The following LAMA1 variants were observed in gnomAD, a reference collection of about 807,000 sequenced individuals.
LAMA1 encodes the protein laminin subunit alpha-1.
In LAMA1, 219 loss-of-function variants were observed where a neutral mutation model predicts 348.7. That is an observed-to-expected ratio of 0.63 (90% CI 0.56 to 0.70). The LOEUF (loss-of-function observed/expected upper bound fraction) is 0.70, where lower values mean the gene tolerates loss of function less well. Ranked by LOEUF, LAMA1 falls within the 30% of genes least tolerant of loss-of-function variation. LAMA1 has a pLI of 0.00. For synonymous variants in LAMA1, 1,487 were observed against 1,491.0 expected (o/e 1.00, Z 0.06); for missense variants, 3,744 against 3,888.0 (o/e 0.96, Z 0.99).
intron 58 of LAMA1, among the ~76,000 whole-genome samples, chr18:6,950,050 CT>C (rs200976005): frequency 0.012 from 1,865 of 152,282 alleles, 42 homozygotes; most frequent in African/African-American, 0.041. Flanking sequence ...AAACCTAGGA[CT>C]GGCATTTGAG....
chr18:6,998,890 A>G (rs2057794525), intron 32 of LAMA1, among the ~76,000 whole-genome samples: 2 of 152,142 alleles, frequency 1.3e-5, no homozygotes, highest in African/African-American at 4.8e-5. Context: ...AAAATTAGCC[A>G]GGCAAGGTGG....
At chr18:7,060,605 A>G (rs1404587617) in intron 3 of LAMA1, among the ~76,000 whole-genome samples, 1 of 152,186 alleles carries the variant, frequency 6.6e-6, no homozygotes, top group Non-Finnish European at 1.5e-5. Flanking sequence ...TAAAGTGGAC[A>G]TTGAAGAAAA....
At chr18:7,073,361 C>T (rs1055445377) in intron 3 of LAMA1, among the ~76,000 whole-genome samples, 3 of 152,168 alleles carry the variant, frequency 2.0e-5, no homozygotes, top group Admixed American at 6.5e-5. Flanking sequence ...TACCATCTAT[C>T]TCCAGAACTT....
chr18:6,968,663 A>T (rs1463161115), intron 48 of LAMA1, among the ~76,000 whole-genome samples: 1 of 152,194 alleles, frequency 6.6e-6, no homozygotes, highest in Non-Finnish European at 1.5e-5. Context: ...ATTGATTTTG[A>T]TGAGGACTGT....
intron 3 of LAMA1, among the ~76,000 whole-genome samples, chr18:7,076,207 G>A (rs2058167705): frequency 6.6e-6 from 1 of 152,188 alleles, no homozygotes; most frequent in South Asian, 2.1e-4. Flanking sequence ...TAGCCATGCT[G>A]TAGATCTGAA....
chr18:7,109,742 A>G (rs989738238), intron 1 of LAMA1, among the ~76,000 whole-genome samples: 1 of 152,160 alleles, frequency 6.6e-6, no homozygotes, highest in Non-Finnish European at 1.5e-5. Flanking sequence ...GGGGTGACTG[A>G]ACTTGGAGGG....
intron 3 of LAMA1, among the ~76,000 whole-genome samples, chr18:7,066,046 A>G (rs1261199905): frequency 9.2e-5 from 14 of 152,118 alleles, no homozygotes; most frequent in Non-Finnish European, 1.5e-5. Context: ...TCTCACCAAA[A>G]CCAATGCTTT....
chr18:7,096,770 A>T (rs1378994533), intron 1 of LAMA1, among the ~76,000 whole-genome samples: 1 of 152,230 alleles, frequency 6.6e-6, no homozygotes, highest in African/African-American at 2.4e-5. Context: ...ACCCAAAAAA[A>T]TTATGTAAGT....
Position 6,971,876 on chromosome 18 carries a change from A to C in LAMA1, c.6880T>G (p.Cys2294Gly). Residue 2294 changes from cysteine to glycine, a missense_variant, in exon 48 of 63, where the codon TGC becomes GGC. Cys to Gly is a radical substitution (Grantham distance 159, BLOSUM62 -3). Around this residue, in one of 3 missense-constraint regions of LAMA1, gnomAD observed 1,983 missense variants for 1,934.3 expected, o/e 1.03. Transcript: ENST00000389658. ...LWNYIEREGK[C>G]RGCFGSSQNE... Reference sequence around the variant, plus strand: ...TCTTACCTTCCGAAGCACCCACGGCACTTGCCTTCCCTTTCAATATAGTTC... The same window carrying C: ...TCTTACCTTCCGAAGCACCCACGGCCCTTGCCTTCCCTTTCAATATAGTTC... The C allele has an allele frequency of 6.2e-7, 1 of 1,614,132 alleles. No homozygotes were observed. Among genetic ancestry groups the C allele is most frequent in the South Asian group, 1.1e-5 (1 of 91,082 alleles).
rs1420317311 is a variant in LAMA1, at chr18:6,942,052, A to G, written c.*27T>C. The G allele has an allele frequency of 1.2e-6, 2 of 1,613,536 alleles. No individual in the cohort carries two copies. The highest frequency in any genetic ancestry group is 1.7e-6 in the Non-Finnish European group (2 of 1,179,574). Reference sequence around the variant, plus strand: ...ACTTCTCCTCAAAATATTAGCAATGATTCCAACTGAGGATTCTGCTTGAAG... The same window carrying G: ...ACTTCTCCTCAAAATATTAGCAATGGTTCCAACTGAGGATTCTGCTTGAAG... On this transcript the variant is annotated 3_prime_UTR_variant, in exon 63 of 63. Coordinates refer to ENST00000389658, the MANE Select transcript of LAMA1 (RefSeq NM_005559.4).
rs746395237 is a variant in LAMA1 at position 7,116,837 on chromosome 18, C to CT, written c.61+822dup. ...CTCTTTCTCTCTCTCTTTCTTTCTT[C>CT]TCTCTCTCTCTCTTTCCGCCCGCCC... On this transcript the variant is annotated intron_variant, in intron 1 of 62. Coordinates refer to ENST00000389658, the MANE Select transcript of LAMA1 (RefSeq NM_005559.4). Among the ~76,000 whole-genome samples, 60 of 150,062 alleles carry CT rather than the reference C, an allele frequency of 4.0e-4. 1 individual carries two copies. Among genetic ancestry groups the CT allele is most frequent in the Non-Finnish European group, 7.6e-4 (51 of 67,346 alleles).
chr18:7,012,599 G>C (rs1018518907), intron 23 of LAMA1, among the ~76,000 whole-genome samples: 1 of 150,422 alleles, frequency 6.6e-6, no homozygotes, highest in Non-Finnish European at 1.5e-5. Context: ...TCCACCCCCC[G>C]GGTTCAAGCG....
At chr18:6,964,302 T>C (rs1299429857) in intron 51 of LAMA1, among the ~76,000 whole-genome samples, 1 of 152,226 alleles carries the variant, frequency 6.6e-6, no homozygotes, top group African/African-American at 2.4e-5. Flanking sequence ...TGTGTGAATG[T>C]GGCCTTCATT....
chr18:7,068,357 C>A (rs1293065301), intron 3 of LAMA1, among the ~76,000 whole-genome samples: 1 of 152,214 alleles, frequency 6.6e-6, no homozygotes, highest in African/African-American at 2.4e-5. Context: ...AAGGAACCGC[C>A]CATGTGTTGT....
intron 50 of LAMA1, 97 bp from the exon 51 acceptor site, chr18:6,964,900 G>T: frequency 7.4e-7 from 1 of 1,357,640 alleles, no homozygotes; most frequent in Non-Finnish European, 1.0e-6. Context: ...ATTTACAAAT[G>T]CATATTCTTT....
At position 6,943,284 on chromosome 18, in the gene LAMA1, C is replaced by T. The variant is rs546562151; in HGVS notation, c.8963G>A (p.Arg2988His). The T allele has an allele frequency of 2.4e-5, 39 of 1,614,066 alleles. No individual in the cohort carries two copies. Among genetic ancestry groups the T allele is most frequent in the Middle Eastern group, 1.6e-4 (1 of 6,084 alleles). ...HTLQANKSKH[R>H]ITLIVDGNAV... Reference sequence around the variant, plus strand: ...GTTCCCGTCAACAATCAGAGTGATACGGTGTTTGCTTTTGTTAGCTTGAAG... The same window carrying T: ...GTTCCCGTCAACAATCAGAGTGATATGGTGTTTGCTTTTGTTAGCTTGAAG... Residue 2988 changes from arginine (R) to histidine (H), a missense_variant, in exon 62 of 63, where the codon CGT becomes CAT. Physicochemically the swap from Arg to His is conservative, Grantham distance 29 (BLOSUM62 0). Coordinates refer to ENST00000389658, the MANE Select transcript of LAMA1 (RefSeq NM_005559.4).
intron 48 of LAMA1, among the ~76,000 whole-genome samples, chr18:6,967,547 T>C (rs910200101): frequency 2.6e-5 from 4 of 152,180 alleles, no homozygotes; most frequent in African/African-American, 9.7e-5. Flanking sequence ...ATAAAACCTC[T>C]CTGGGAGGGC....
intron 30 of LAMA1, among the ~76,000 whole-genome samples, 193 bp downstream of exon 30, chr18:7,002,071 A>C (rs1306541559): frequency 1.3e-5 from 2 of 152,234 alleles, no homozygotes; most frequent in East Asian, 3.8e-4. Flanking sequence ...CCAATACCAA[A>C]ACAGATACTT....
intron 6 of LAMA1, among the ~76,000 whole-genome samples, chr18:7,045,304 A>G (rs894309951): frequency 2.3e-4 from 35 of 152,192 alleles, no homozygotes; most frequent in African/African-American, 8.2e-4. Flanking sequence ...CCCCATCTCT[A>G]CTAAAAATAC....
Sources: gnomAD v4.1 joint callset for allele counts (sites outside exome capture counted in the v4.1 genomes callset) on GRCh38, gnomAD v4.1.1 for gene constraint, gnomAD v4.1.1 regional missense constraint, MANE v1.5 for transcripts, NCBI Gene and HGNC (gene_info 2026-07-23, HGNC 2026-07-21) for gene names.